PRKN: variants seen among roughly 807,000 people sequenced by gnomAD.
PRKN encodes E3 ubiquitin-protein ligase parkin.
Under a neutral mutation model 59.5 loss-of-function variants are expected in PRKN, and 56 were observed. The observed-to-expected ratio is 0.94, with a 90% CI of 0.76 to 1.18. The LOEUF (loss-of-function observed/expected upper bound fraction) is 1.18. Among genes scored for constraint, PRKN ranks in the 50% most tolerant of loss-of-function variants. The probability of loss-of-function intolerance (pLI) is 0.00; values close to 1 mark genes in which losing one functional copy is unlikely to be tolerated. For missense variants in PRKN, 657 were observed against 596.4 expected, an observed-to-expected ratio of 1.10 and a Z score of -1.06; for synonymous variants, 250 against 222.1, an observed-to-expected ratio of 1.13 and a Z score of -1.12.
intron 1 of PRKN, among the ~76,000 whole-genome samples, chr6:162,683,374 T>C (rs112915227): frequency 6.6e-6 from 1 of 152,164 alleles, no homozygotes; most frequent in Non-Finnish European, 1.5e-5. Context: ...GTGAACGAGC[T>C]GTTCTAGATA....
In PRKN at chr6:161,525,712, A is replaced by G. The variant is rs1342992839; in HGVS notation, c.1083+23142T>C. Among the ~76,000 whole-genome samples, 2 of 152,174 alleles carry G rather than the reference A, an allele frequency of 1.3e-5. No homozygotes were observed. Among genetic ancestry groups the G allele is most frequent in the African/African-American group, 2.4e-5 (1 of 41,450 alleles). ...ATCTTTGAAGGCTATACTATTTTAA[A>G]AAATTATTCTATTCAGCGCATTGCA... On this transcript the variant is annotated intron_variant, in intron 9 of 11. Coordinates refer to ENST00000366898, the MANE Select transcript of PRKN (RefSeq NM_004562.3). The surrounding 1 kb of genome is among the most constrained non-coding windows in gnomAD (Gnocchi z 4.7).
At chr6:161,928,347 G>T in intron 6 of PRKN, among the ~76,000 whole-genome samples, 1 of 152,148 alleles carries the variant, frequency 6.6e-6, no homozygotes, top group South Asian at 2.1e-4. Context: ...TAAAAATACA[G>T]ATTTGTAGGA....
At chr6:162,607,128 C>T (rs1781952928) in intron 1 of PRKN, among the ~76,000 whole-genome samples, 1 of 152,174 alleles carries the variant, frequency 6.6e-6, no homozygotes, top group African/African-American at 2.4e-5. Flanking sequence ...CCTTTTGAGA[C>T]ATCCAAATGT....
At chr6:162,169,510 A>T (rs989817497) in intron 4 of PRKN, among the ~76,000 whole-genome samples, 5 of 152,236 alleles carry the variant, frequency 3.3e-5, no homozygotes, top group Non-Finnish European at 7.3e-5. Flanking sequence ...AAGACTTCTG[A>T]AATACTTAGA....
At chr6:162,193,679 G>A (rs1784382558) in intron 4 of PRKN, among the ~76,000 whole-genome samples, 1 of 152,166 alleles carries the variant, frequency 6.6e-6, no homozygotes, top group African/African-American at 2.4e-5. Flanking sequence ...GTTCTAGGAA[G>A]GCTGCTGAAA....
intron 4 of PRKN, among the ~76,000 whole-genome samples, chr6:162,061,033 C>T (rs1349213998): frequency 6.6e-6 from 1 of 152,112 alleles, no homozygotes; most frequent in Admixed American, 6.5e-5. Flanking sequence ...AAGCTTGAGT[C>T]CTCCCTTGAT....
At chr6:162,239,342 T>C (rs1384395919) in intron 3 of PRKN, among the ~76,000 whole-genome samples, 1 of 152,226 alleles carries the variant, frequency 6.6e-6, no homozygotes, top group Non-Finnish European at 1.5e-5. Flanking sequence ...TTACATTTTA[T>C]AGATTCCTAC....
chr6:162,694,074 C>T (rs985400760), intron 1 of PRKN, among the ~76,000 whole-genome samples: 3 of 151,710 alleles, frequency 2.0e-5, no homozygotes, highest in Non-Finnish European at 4.4e-5. Context: ...GGTGAAACCC[C>T]GTATCTACTA....
At chr6:162,021,199 AT>A (rs1454655589) in intron 5 of PRKN, among the ~76,000 whole-genome samples, 5 of 141,578 alleles carry the variant, frequency 3.5e-5, no homozygotes, top group African/African-American at 1.0e-4. Flanking sequence ...TATATATAAT[AT>A]ATATAATATA....
In PRKN at chr6:161,582,971, AACACACACACACAC is replaced by A. The variant is rs768568929; in HGVS notation, c.872-13569_872-13556del. The stretch of plus-strand genomic sequence containing the variant: ...TCTTTCCAGTGAGATGGCCTATTCC[AACACACACACACAC>A]ACACACACACACACACACACACACA... On this transcript the variant is annotated intron_variant, in intron 7 of 11. Transcript: ENST00000366898. This position sits in a 1 kb window ranked among gnomAD's most constrained non-coding sequence, Gnocchi z 4.4. Among the ~76,000 whole-genome samples, 683 of 117,234 alleles carry A rather than the reference AACACACACACACAC, an allele frequency of 5.8e-3. 9 individuals carry two copies. The highest frequency in any genetic ancestry group is 0.019 in the African/African-American group (640 of 34,548). The allele number at this position is 117,234 out of a possible 152,430, so 76.9% of individuals were successfully genotyped here. A position where few individuals can be genotyped will look rare whatever the true frequency, so the allele number is the denominator to read the frequency against.
In PRKN at chr6:161,743,294, A is replaced by C. The variant is rs1269571126; in HGVS notation, c.871+42478T>G. Among the ~76,000 whole-genome samples the C allele has an allele frequency of 6.0e-5, 8 of 132,664 alleles. No homozygotes were observed. The Admixed American group carries it at 7.8e-4, about 13-fold the overall frequency. 87.0% of individuals were successfully genotyped at this position (132,664 alleles called of 152,430 possible). Reference sequence around the variant, plus strand: ...GAGTGCAGTGGTGCAATCTCGGCTCACTGCAAGCTCCGCCTCCCGGGTTCA... The same window carrying C: ...GAGTGCAGTGGTGCAATCTCGGCTCCCTGCAAGCTCCGCCTCCCGGGTTCA... On this transcript the variant is annotated intron_variant, in intron 7 of 11. Coordinates refer to ENST00000366898, the MANE Select transcript of PRKN (RefSeq NM_004562.3).
chr6:161,582,019 T>C lies in PRKN; in HGVS notation c.872-12603A>G, dbSNP rs1460076267. On this transcript the variant is annotated intron_variant, in intron 7 of 11. Transcript: ENST00000366898. The surrounding 1 kb of genome is among the most constrained non-coding windows in gnomAD (Gnocchi z 4.4). ...ACACCTCCAGATCAGAGAAGGAGTT[T>C]TTGACTTAACTTGTTACTCCCCAGC... Among the ~76,000 whole-genome samples the C allele has an allele frequency of 6.6e-6, 1 of 152,160 alleles. No homozygotes were observed. The highest frequency in any genetic ancestry group is 1.9e-4 in the East Asian group (1 of 5,182).
chr6:161,670,126 G>T (rs1291471591), intron 7 of PRKN, among the ~76,000 whole-genome samples: 1 of 152,174 alleles, frequency 6.6e-6, no homozygotes, highest in Non-Finnish European at 1.5e-5. Flanking sequence ...AGCCCTGGGT[G>T]TTGGCAGGTA....
rs1314599988 is a variant in PRKN at position 162,056,069 on chromosome 6, G to A, written c.535-1895C>T. 1.4e-5 allele frequency among the ~76,000 whole-genome samples: 2 copies of A among 139,948 alleles called. No homozygotes were observed. Among genetic ancestry groups the A allele is most frequent in the African/African-American group, 5.4e-5 (2 of 36,948 alleles). 91.8% of individuals were successfully genotyped at this position (139,948 alleles called of 152,430 possible). On this transcript the variant is annotated intron_variant, in intron 4 of 11. Coordinates refer to ENST00000366898, the MANE Select transcript of PRKN (RefSeq NM_004562.3). The surrounding 1 kb of genome is among the most constrained non-coding windows in gnomAD (Gnocchi z 4.9). Reference sequence around the variant, plus strand: ...GCATAAACACACCACATACATACACGTGCACACACATCCCACACACCTCAC... The same window carrying A: ...GCATAAACACACCACATACATACACATGCACACACATCCCACACACCTCAC...
intron 5 of PRKN, among the ~76,000 whole-genome samples, chr6:161,989,178 T>C (rs1312234897): frequency 6.6e-6 from 1 of 152,238 alleles, no homozygotes; most frequent in Non-Finnish European, 1.5e-5. Context: ...TTAGATAGCA[T>C]GAATTAAATT....
chr6:161,881,460 C>T (rs1425405029), intron 6 of PRKN, among the ~76,000 whole-genome samples: 1 of 152,156 alleles, frequency 6.6e-6, no homozygotes, highest in Non-Finnish European at 1.5e-5. Flanking sequence ...TGGTTTAGGG[C>T]TGCGACCACC....
chr6:161,424,091 C>G (rs564300484), intron 9 of PRKN, among the ~76,000 whole-genome samples: 4 of 152,178 alleles, frequency 2.6e-5, no homozygotes, highest in African/African-American at 9.6e-5. Context: ...AATCCCAGCA[C>G]TTTCGGAGGC....
intron 1 of PRKN, among the ~76,000 whole-genome samples, chr6:162,588,409 CAA>C (rs763751221): frequency 6.6e-6 from 1 of 151,126 alleles, no homozygotes. Context: ...AAAAAGCAAA[CAA>C]TATTAAACTA....
Position 161,689,185 on chromosome 6 carries a change from T to TACACACAC in PRKN, c.871+96579_871+96586dup, listed in dbSNP as rs34193135. On this transcript the variant is annotated intron_variant, in intron 7 of 11. Coordinates refer to ENST00000366898, the MANE Select transcript of PRKN (RefSeq NM_004562.3). ...TTGCATCAAAGAGAGAATTAAATTG[T>TACACACAC]ACACACACACACACACACACACACA... Among the ~76,000 whole-genome samples, 528 of 144,280 alleles carry TACACACAC rather than the reference T, an allele frequency of 3.7e-3. 2 individuals are homozygous for TACACACAC. The highest frequency in any genetic ancestry group is 0.018 in the Middle Eastern group (5 of 272). The allele number at this position is 144,280 out of a possible 152,430, so 94.7% of individuals were successfully genotyped here. A position where few individuals can be genotyped will look rare whatever the true frequency, so the allele number is the denominator to read the frequency against.
Sources: gnomAD v4.1 joint callset for allele counts (sites outside exome capture counted in the v4.1 genomes callset) on GRCh38, gnomAD v4.1.1 for gene constraint, Gnocchi (gnomAD v3.1) non-coding constraint, MANE v1.5 for transcripts, NCBI Gene and HGNC (gene_info 2026-07-23, HGNC 2026-07-21) for gene names.